Variants in PRORP observed in about 807,000 individuals in gnomAD.
The protein encoded by PRORP is protein only RNase P catalytic subunit.
In PRORP, 51 loss-of-function variants were observed where a neutral mutation model predicts 59.4. The observed-to-expected ratio is 0.86, with a 90% CI of 0.69 to 1.08. The LOEUF (loss-of-function observed/expected upper bound fraction) is 1.08, where lower values mean the gene tolerates loss of function less well. Among genes scored for constraint, PRORP ranks in the 50% least tolerant of loss-of-function variants. The pLI is 0.00. For synonymous variants in PRORP, 231 were observed against 245.6 expected (o/e 0.94, Z 0.55); for missense variants, 646 against 690.3 (o/e 0.94, Z 0.72).
chr14:35,210,785 G>C (rs1179979086), intron 5 of PRORP, among the ~76,000 whole-genome samples: 8 of 56,788 alleles, frequency 1.4e-4, no homozygotes, highest in African/African-American at 2.0e-4. Flanking sequence ...TTTTTTTTAA[G>C]ACAAAGTCCC....
chr14:35,172,889 A>T (rs1295334430), intron 4 of PRORP, among the ~76,000 whole-genome samples: 3 of 122,902 alleles, frequency 2.4e-5, no homozygotes, highest in South Asian at 2.5e-4. Context: ...TTTTTTGGAG[A>T]TAGAGTTTCT....
Position 35,252,603 on chromosome 14 carries a change from G to A in PRORP, c.1276-14124G>A, listed in dbSNP as rs74922597. On this transcript the variant is annotated intron_variant, in intron 5 of 7. Coordinates refer to ENST00000534898, the MANE Select transcript of PRORP (RefSeq NM_014672.4). ...GTGGGTGGTCTCCAACCATGACTGG[G>A]CTTTACCCTGTCCAGCTCTCTCTAC... Among the ~76,000 whole-genome samples the A allele has an allele frequency of 5.6e-3, 851 of 152,192 alleles. 13 individuals are homozygous for A. The highest frequency in any genetic ancestry group is 5.8e-3 in the Non-Finnish European group (397 of 68,012).
chr14:35,124,364 C>CCTG, intron 2 of PRORP, 133 bp downstream of exon 2: 1 of 501,232 alleles, frequency 2.0e-6, no homozygotes, highest in Non-Finnish European at 3.3e-6. Flanking sequence ...AACTCCTGGC[C>CCTG]TCAAGTGATC....
At chr14:35,240,786 C>G (rs907996101) in intron 5 of PRORP, among the ~76,000 whole-genome samples, 7 of 152,216 alleles carry the variant, frequency 4.6e-5, no homozygotes, top group African/African-American at 1.7e-4. Context: ...ATTAGTCCCT[C>G]TGGCCCTGCA....
chr14:35,211,078 A>C (rs936405932), intron 5 of PRORP, among the ~76,000 whole-genome samples: 1 of 152,102 alleles, frequency 6.6e-6, no homozygotes, highest in African/African-American at 2.4e-5. Context: ...TGGTCAAAAC[A>C]GTTTTCTTTA....
chr14:35,265,738 T>C (rs72664896), intron 5 of PRORP, among the ~76,000 whole-genome samples: 10 of 152,280 alleles, frequency 6.6e-5, no homozygotes, highest in Non-Finnish European at 1.3e-4. Flanking sequence ...AAATCAAAAC[T>C]TATGTAGAAT....
At chr14:35,210,693 A>T (rs574596911) in intron 5 of PRORP, among the ~76,000 whole-genome samples, 2 of 148,828 alleles carry the variant, frequency 1.3e-5, no homozygotes, top group African/African-American at 4.9e-5. Flanking sequence ...TATCGGGAAT[A>T]CTAAGATATG....
At chr14:35,237,862 G>A (rs1221428192) in intron 5 of PRORP, among the ~76,000 whole-genome samples, 4 of 151,790 alleles carry the variant, frequency 2.6e-5, no homozygotes, top group Non-Finnish European at 5.9e-5. Context: ...CACTGTGTTA[G>A]CCAGGATGGT....
chr14:35,121,878 C>A, upstream of PRORP: 1 of 1,613,544 alleles, frequency 6.2e-7, no homozygotes, highest in Non-Finnish European at 8.5e-7. Flanking sequence ...GCCATCCCAA[C>A]GGGCTGCCCC....
At chr14:35,196,571 G>A (rs550914178) in intron 5 of PRORP, among the ~76,000 whole-genome samples, 16 of 152,252 alleles carry the variant, frequency 1.1e-4, no homozygotes, top group Middle Eastern at 3.4e-3. Context: ...AGTTACTGCT[G>A]GGTAGTCAAG....
chr14:35,125,565 C>G (rs894012055), intron 2 of PRORP, among the ~76,000 whole-genome samples: 2 of 152,112 alleles, frequency 1.3e-5, no homozygotes, highest in African/African-American at 4.8e-5. Flanking sequence ...TGTTCCTTCC[C>G]TCTGTTTTTC....
chr14:35,167,340 G>T (rs2048209437), intron 4 of PRORP, among the ~76,000 whole-genome samples: 1 of 152,124 alleles, frequency 6.6e-6, no homozygotes. Context: ...TTGAGTTAAA[G>T]TATTTTTTCT....
At chr14:35,172,453 C>CTTCTTTCTTTCTTTCTTTCT (rs1555324973) in intron 4 of PRORP, among the ~76,000 whole-genome samples, 1 of 46,708 alleles carries the variant, frequency 2.1e-5, no homozygotes, top group African/African-American at 6.0e-5. Flanking sequence ...TCCTTCCTTC[C>CTTCTTTCTTTCTTTCTTTCT]TTCTTTCTTT....
chr14:35,124,871 C>CTT (rs576855221), intron 2 of PRORP, among the ~76,000 whole-genome samples: 3 of 139,382 alleles, frequency 2.2e-5, no homozygotes, highest in Non-Finnish European at 4.7e-5. Context: ...TACTCTCTCC[C>CTT]TTTTTTTTTT....
chr14:35,191,548 A>G lies in PRORP; in HGVS notation c.1275+10771A>G, dbSNP rs188843582. Among the ~76,000 whole-genome samples the G allele has an allele frequency of 1.2e-4, 18 of 152,196 alleles. No homozygotes were observed. The East Asian group carries it at 3.1e-3, about 26-fold the overall frequency. ...GAGACCCCATCTCTACAGAAGATCA[A>G]AAACATTAGCTGGATGTGATGGCAT... On this transcript the variant is annotated intron_variant, in intron 5 of 7. Transcript: ENST00000534898.
At chr14:35,142,538 A>AT (rs1311188824) in intron 4 of PRORP, among the ~76,000 whole-genome samples, 3 of 114,296 alleles carry the variant, frequency 2.6e-5, no homozygotes, top group African/African-American at 8.4e-5. Flanking sequence ...AAAAAAAAAA[A>AT]TTTTAGATAG....
At chr14:35,171,960 G>A (rs1045842301) in intron 4 of PRORP, among the ~76,000 whole-genome samples, 1 of 150,100 alleles carries the variant, frequency 6.7e-6, no homozygotes, top group Non-Finnish European at 1.5e-5. Flanking sequence ...GTGCTTTTTG[G>A]TTCTGTAATG....
intron 4 of PRORP, among the ~76,000 whole-genome samples, chr14:35,129,662 G>A (rs1467935189): frequency 6.6e-6 from 1 of 151,328 alleles, no homozygotes; most frequent in Non-Finnish European, 1.5e-5. Context: ...TGTATTTTTA[G>A]TACAGACAGG....
chr14:35,155,560 T>TAA (rs33984722), intron 4 of PRORP, among the ~76,000 whole-genome samples: 5 of 108,678 alleles, frequency 4.6e-5, no homozygotes, highest in East Asian at 2.8e-4. Context: ...GGTGTCTATT[T>TAA]AAAAAAAAAA....
Sources: allele counts gnomAD v4.1 joint callset (sites outside exome capture counted in the v4.1 genomes callset), GRCh38; gene constraint gnomAD v4.1.1; transcripts MANE v1.5; gene names NCBI Gene and HGNC (gene_info 2026-07-23, HGNC 2026-07-21).